NECAB2: variants seen among roughly 807,000 people sequenced by gnomAD.
NECAB2 encodes N-terminal EF-hand calcium binding protein 2, also known as N-terminal EF-hand calcium-binding protein 2.
Under a neutral mutation model 51.9 loss-of-function variants are expected in NECAB2, and 68 were observed. The observed-to-expected ratio is 1.31, with a 90% confidence interval of 1.08 to 1.60. The LOEUF (loss-of-function observed/expected upper bound fraction) is 1.60. Among genes scored for constraint, NECAB2 ranks in the 40% most tolerant of loss-of-function variants. The pLI is 0.00. For missense variants in NECAB2, 854 were observed against 490.3 expected (o/e 1.74, Z -7.00); for synonymous variants, 329 against 203.5 (o/e 1.62, Z -5.25).
intron 5 of NECAB2, among the ~76,000 whole-genome samples, chr16:83,981,970 A>T (rs1461191033): frequency 6.6e-6 from 1 of 152,196 alleles, no homozygotes; most frequent in Non-Finnish European, 1.5e-5. Context: ...GACCTGGCTG[A>T]GGGATCTGAG....
At chr16:83,966,656 G>A (rs1347667373), upstream of NECAB2, among the ~76,000 whole-genome samples, 1 of 152,166 alleles carries the variant, frequency 6.6e-6, no homozygotes, top group African/African-American at 2.4e-5. Context: ...CCTCCTTTCA[G>A]TCCCTCCTGC....
rs557065494 is a variant in NECAB2, at chr16:83,973,035, G to A, written c.226+860G>A. 3.9e-5 allele frequency among the ~76,000 whole-genome samples: 6 copies of A among 152,372 alleles called. No homozygotes were observed. The East Asian group carries it at 1.2e-3, about 29-fold the overall frequency. ...TAACACTTGCCCTGCCTCCTTCCCT[G>A]GGTTTTGGGGAAAAGCCAGAGAGGC... is the stretch of plus-strand genomic sequence containing the variant. On this transcript the variant is annotated intron_variant, in intron 2 of 12. Coordinates refer to ENST00000305202, the MANE Select transcript of NECAB2 (RefSeq NM_019065.3).
At chr16:83,988,837 C>T (rs79088721) in intron 5 of NECAB2, among the ~76,000 whole-genome samples, 1 of 152,030 alleles carries the variant, frequency 6.6e-6, no homozygotes, top group Admixed American at 6.6e-5. Flanking sequence ...TCAGTCCCCC[C>T]CCATTATGTA....
chr16:83,975,173 T>TGAGAGCAGGTGTGCA (rs2084394623), intron 2 of NECAB2, among the ~76,000 whole-genome samples: 2 of 128,688 alleles, frequency 1.6e-5, no homozygotes, highest in African/African-American at 7.2e-5. Flanking sequence ...GGTGCAGGGA[T>TGAGAGCAGGTGTGCA]GGGAACAGGT....
In NECAB2 at chr16:83,981,121, C is replaced by T; in HGVS notation, c.453C>T (p.Thr151=). ...NHSVLKAMGY[T]KKVYEGGSNV... The stretch of plus-strand genomic sequence containing the variant: ...CTGTCCTGAAGGCCATGGGTTATAC[C>T]AAGAAGGTCAGTGGGTGTAGGTGGC... Residue 151 remains threonine (T), a synonymous_variant, in exon 5 of 13, where the codon ACC becomes ACT. Coordinates refer to ENST00000305202, the MANE Select transcript of NECAB2 (RefSeq NM_019065.3). 1 of 1,613,130 alleles carries T rather than the reference C, an allele frequency of 6.2e-7. No individual in the cohort carries two copies. Among genetic ancestry groups the T allele is most frequent in the Non-Finnish European group, 8.5e-7 (1 of 1,179,742 alleles).
At chr16:84,000,399 A>ACAC (rs2084805736) in intron 10 of NECAB2, among the ~76,000 whole-genome samples, 2 of 151,678 alleles carry the variant, frequency 1.3e-5, no homozygotes, top group African/African-American at 4.9e-5. Flanking sequence ...CGAGTGGTGC[A>ACAC]CTCCTCTAGT....
chr16:83,977,006 G>A (rs760180176), intron 2 of NECAB2, among the ~76,000 whole-genome samples: 6 of 152,234 alleles, frequency 3.9e-5, no homozygotes, highest in Non-Finnish European at 5.9e-5. Context: ...GCACCCACCC[G>A]AGGAAATGGA....
chr16:83,997,392 T>G, intron 9 of NECAB2, 123 bp downstream of exon 9: 2 of 1,282,500 alleles, frequency 1.6e-6, no homozygotes, highest in African/African-American at 1.5e-5. Flanking sequence ...GGAGGGGAGA[T>G]GTCGCCCAGC....
At chr16:83,987,726 A>G (rs1460040529) in intron 5 of NECAB2, among the ~76,000 whole-genome samples, 1 of 134,164 alleles carries the variant, frequency 7.5e-6, no homozygotes, top group Non-Finnish European at 1.6e-5. Flanking sequence ...TTTTGCTATT[A>G]TGAGTATTAC....
intron 6 of NECAB2, among the ~76,000 whole-genome samples, chr16:83,993,032 C>G (rs543203563): frequency 5.6e-4 from 86 of 152,298 alleles, no homozygotes; most frequent in African/African-American, 1.9e-3. Flanking sequence ...TGGTGGGGAC[C>G]TTACTTGGGG....
rs571483968 is a variant in NECAB2 at position 83,999,495 on chromosome 16, C to G, written c.962+1178C>G. 8.0e-3 allele frequency among the ~76,000 whole-genome samples: 1,214 copies of G among 152,216 alleles called. 16 individuals carry two copies. Among genetic ancestry groups the G allele is most frequent in the African/African-American group, 0.028 (1,152 of 41,526 alleles). ...GATTCTACTTCCCAGGCATGGTGCACCTAAAGCTGCACGGAGGTGTGTCCA... is the reference window on the plus strand; with the variant it reads ...GATTCTACTTCCCAGGCATGGTGCAGCTAAAGCTGCACGGAGGTGTGTCCA... On this transcript the variant is annotated intron_variant, in intron 10 of 12. Coordinates refer to ENST00000305202, the MANE Select transcript of NECAB2 (RefSeq NM_019065.3).
chr16:84,002,451 T>C lies in NECAB2; in HGVS notation c.*105T>C. ...CTTTGGTGCAGAAGCTTCTTTTCAATCCATCCTCCACAAGAAGGTGTTTCC... is the reference window on the plus strand; with the variant it reads ...CTTTGGTGCAGAAGCTTCTTTTCAACCCATCCTCCACAAGAAGGTGTTTCC... On this transcript the variant is annotated 3_prime_UTR_variant, in exon 13 of 13. Transcript: ENST00000305202. 6 of 1,415,706 alleles carry C rather than the reference T, an allele frequency of 4.2e-6. No individual in the cohort carries two copies. The highest frequency in any genetic ancestry group is 2.3e-5 in the South Asian group (2 of 86,998). The allele number at this position is 1,415,706 out of a possible 1,614,324, so 87.7% of individuals were successfully genotyped here.
In NECAB2 at chr16:83,994,632, G is replaced by T. The variant is rs779895020; in HGVS notation, c.739G>T (p.Gly247Cys). 16 of 1,614,010 alleles carry T rather than the reference G, an allele frequency of 9.9e-6. No homozygotes were observed. The highest frequency in any genetic ancestry group is 1.4e-5 in the Non-Finnish European group (16 of 1,180,046). The change falls in exon 8 of 13, where the codon GGT becomes TGT. Residue 247 changes from glycine to cysteine, a missense_variant. Coordinates refer to ENST00000305202, the MANE Select transcript of NECAB2 (RefSeq NM_019065.3). ...PSATEDAKEE[G>C]LEAQISRLAE... ...AGCCACGGAGGATGCAAAGGAAGAG[G>T]GTCTGGAAGCCCAGATCAGCCGCTT...
At chr16:83,995,834 C>A (rs1048300930) in intron 8 of NECAB2, among the ~76,000 whole-genome samples, 4 of 152,190 alleles carry the variant, frequency 2.6e-5, no homozygotes, top group South Asian at 2.1e-4. Context: ...GGAGTTACCC[C>A]CTTCCTGAAG....
upstream of NECAB2, among the ~76,000 whole-genome samples, chr16:83,966,680 G>T (rs1416096084): frequency 6.6e-6 from 1 of 152,116 alleles, no homozygotes; most frequent in Non-Finnish European, 1.5e-5. Context: ...CCAGGTCTCT[G>T]CCTGCCCCAA....
chr16:84,000,068 TTTTTA>T (rs201807776), intron 10 of NECAB2, among the ~76,000 whole-genome samples: 131 of 151,892 alleles, frequency 8.6e-4, no homozygotes, highest in African/African-American at 3.1e-3. Flanking sequence ...ATTTTTTTTT[TTTTTA>T]AAGAGACAGT....
chr16:83,987,298 G>T (rs1468393662), intron 5 of NECAB2, among the ~76,000 whole-genome samples: 1 of 152,128 alleles, frequency 6.6e-6, no homozygotes, highest in Admixed American at 6.5e-5. Flanking sequence ...TATCTGTTCT[G>T]TGAGACAGTG....
upstream of NECAB2, chr16:83,965,463 C>T (rs935548288): frequency 6.9e-6 from 11 of 1,601,332 alleles, no homozygotes; most frequent in East Asian, 4.5e-5. Flanking sequence ...GGGCTGTCAG[C>T]GGCCGACGCG....
In NECAB2 at chr16:83,978,454, G is replaced by A. The variant is rs2084442884; in HGVS notation, c.237G>A (p.Lys79=). Residue 79 remains lysine (K), a synonymous_variant, in exon 3 of 13, where the codon AAG becomes AAA. Transcript: ENST00000305202. ...FRRADKNDDG[K]LSLEEFQLFF... Reference sequence around the variant, plus strand: ...CTTCCTTCCTTGCAGATGATGGGAAGCTGTCCTTGGAGGAATTCCAGCTCT... The same window carrying A: ...CTTCCTTCCTTGCAGATGATGGGAAACTGTCCTTGGAGGAATTCCAGCTCT... 6.2e-7 allele frequency: 1 copy of A among 1,613,866 alleles called. No individual in the cohort carries two copies. The highest frequency in any genetic ancestry group is 8.5e-7 in the Non-Finnish European group (1 of 1,179,926).
Sources: allele counts gnomAD v4.1 joint callset (sites outside exome capture counted in the v4.1 genomes callset), GRCh38; gene constraint gnomAD v4.1.1; transcripts MANE v1.5; gene names NCBI Gene and HGNC (gene_info 2026-07-23, HGNC 2026-07-21).